Variants in PRH1 observed in about 807,000 individuals in gnomAD.
PRH1 encodes the protein proline rich protein HaeIII subfamily 1.
A neutral mutation model predicts 7.9 loss-of-function variants in PRH1; 7 were observed. The observed-to-expected ratio is 0.89, with a 90% CI of 0.50 to 1.67. The LOEUF (loss-of-function observed/expected upper bound fraction) is 1.67. Ranked by LOEUF, PRH1 falls within the 40% of genes most tolerant of loss-of-function variation. PRH1 has a pLI of 0.00. For missense variants in PRH1, 109 were observed against 223.6 expected (o/e 0.49, Z 3.27); for synonymous variants, 45 against 80.8 (o/e 0.56, Z 2.38).
intron 1 of PRH1, among the ~76,000 whole-genome samples, chr12:10,994,417 C>T (rs912169879): frequency 7.2e-5 from 11 of 152,206 alleles, no homozygotes; most frequent in African/African-American, 2.2e-4. Context: ...GTTGTCCTCT[C>T]GCAGCCCTTC....
At chr12:11,167,823 T>C (rs968241544) in intron 1 of PRH1, among the ~76,000 whole-genome samples, 2 of 152,230 alleles carry the variant, frequency 1.3e-5, no homozygotes, top group African/African-American at 4.8e-5. Flanking sequence ...AGAAGCAACA[T>C]TCTCTTTTGG....
intron 2 of PRH1, among the ~76,000 whole-genome samples, chr12:10,956,654 T>C (rs771723522): frequency 9.9e-5 from 15 of 152,148 alleles, no homozygotes; most frequent in Admixed American, 7.9e-4. Context: ...AATGTGACTT[T>C]ATACCTAGAA....
intron 1 of PRH1, among the ~76,000 whole-genome samples, chr12:11,037,822 C>G (rs1360120777): frequency 2.0e-5 from 3 of 152,154 alleles, no homozygotes; most frequent in Non-Finnish European, 4.4e-5. Flanking sequence ...GGTGGATTGC[C>G]TGAGCACAAG....
chr12:11,093,066 A>C lies in PRH1; in HGVS notation n.124-45878T>G, dbSNP rs146658776. ...CTAGTATGCAAATAGGGACATATTC[A>C]CTTTCAGTGTTTGCAATTTTTCCTT... On this transcript the variant is annotated intron_variant and non_coding_transcript_variant, in intron 1 of 4. Coordinates refer to the PRH1 transcript ENST00000541977. 4.3e-5 allele frequency among the ~76,000 whole-genome samples: 5 copies of C among 116,158 alleles called. 2 individuals are homozygous for C. Among genetic ancestry groups the C allele is most frequent in the Non-Finnish European group, 1.0e-4 (5 of 49,156 alleles). 76.2% of individuals were successfully genotyped at this position (116,158 alleles called of 152,430 possible).
At position 10,881,818 on chromosome 12, in the gene PRH1, G is replaced by T. The variant is rs530257730; in HGVS notation, c.*18+399C>A. 5.9e-5 allele frequency among the ~76,000 whole-genome samples: 9 copies of T among 152,256 alleles called. No individual in the cohort carries two copies. In the East Asian group the frequency reaches 1.7e-3, roughly 29 times the overall value. On this transcript the variant is annotated intron_variant, in intron 3 of 3. Coordinates refer to ENST00000543626, the MANE Select transcript of PRH1 (RefSeq NM_001393989.1). ...TACCATTTTACAACTGAAAGTTCAA[G>T]GACCACTTAGCAGGAATACTGGACC...
chr12:10,886,083 G>C (rs761157861), upstream of PRH1, among the ~76,000 whole-genome samples: 6 of 152,202 alleles, frequency 3.9e-5, no homozygotes, highest in Non-Finnish European at 7.3e-5. Context: ...GTGGGAAGTA[G>C]ATCAGCTCTA....
At chr12:10,909,030 A>G (rs1234679664) in intron 2 of PRH1, 5 of 1,613,590 alleles carry the variant, frequency 3.1e-6, no homozygotes, top group Admixed American at 3.3e-5. Flanking sequence ...ATTAGAAACT[A>G]TCCAGCTAAA....
intron 2 of PRH1, among the ~76,000 whole-genome samples, chr12:10,903,680 C>A (rs1408321285): frequency 3.3e-5 from 5 of 150,666 alleles, no homozygotes; most frequent in African/African-American, 1.2e-4. Flanking sequence ...CTAGCCAGGA[C>A]AATCAGGCAA....
chr12:10,881,825 T>G (rs1247019493), intron 3 of PRH1, among the ~76,000 whole-genome samples: 1 of 152,162 alleles, frequency 6.6e-6, no homozygotes, highest in Non-Finnish European at 1.5e-5. Context: ...CAAGGACCAC[T>G]TAGCAGGAAT....
intron 2 of PRH1, among the ~76,000 whole-genome samples, chr12:10,954,085 C>A (rs1937828531): frequency 6.6e-6 from 1 of 152,138 alleles, no homozygotes; most frequent in Admixed American, 6.5e-5. Context: ...TACCACCAGA[C>A]CCACCTCACA....
At position 11,092,467 on chromosome 12, in the gene PRH1, G is replaced by A. The variant is rs1944956288; in HGVS notation, n.124-45279C>T. Among the ~76,000 whole-genome samples, 2 of 114,730 alleles carry A rather than the reference G, an allele frequency of 1.7e-5. 1 individual carries two copies. The highest frequency in any genetic ancestry group is 1.8e-4 in the Admixed American group (2 of 11,426). 75.3% of individuals were successfully genotyped at this position (114,730 alleles called of 152,430 possible). On this transcript the variant is annotated intron_variant and non_coding_transcript_variant, in intron 1 of 4. Transcript: ENST00000541977. ...GCAACCCAGGTAGGTTGCCGCGGCT[G>A]GCTGAAGCCATGAGCTTTTATTCCC...
intron 1 of PRH1, among the ~76,000 whole-genome samples, chr12:11,142,573 A>G (rs184896813): frequency 2.0e-5 from 3 of 152,230 alleles, no homozygotes; most frequent in African/African-American, 7.2e-5. Flanking sequence ...AAAAAAAGGT[A>G]CTATTGCAAT....
chr12:10,954,265 T>C (rs915936207), intron 2 of PRH1, among the ~76,000 whole-genome samples: 3 of 152,130 alleles, frequency 2.0e-5, no homozygotes, highest in African/African-American at 7.2e-5. Context: ...ATATCAATAC[T>C]AACCTCGAAT....
intron 2 of PRH1, among the ~76,000 whole-genome samples, chr12:10,899,033 T>C (rs1180963092): frequency 6.6e-6 from 1 of 152,250 alleles, no homozygotes; most frequent in Non-Finnish European, 1.5e-5. Flanking sequence ...CTGCTGTGTT[T>C]TGTACTTGCG....
chr12:10,989,305 T>C (rs1214528196), intron 1 of PRH1, among the ~76,000 whole-genome samples: 1 of 152,236 alleles, frequency 6.6e-6, no homozygotes, highest in Non-Finnish European at 1.5e-5. Flanking sequence ...TTCACTTCTC[T>C]ATATTATTCC....
chr12:11,146,419 T>A lies in PRH1; in HGVS notation n.39+25003A>T, dbSNP rs537221218. On this transcript the variant is annotated intron_variant and non_coding_transcript_variant, in intron 1 of 1. Transcript: ENST00000541175. ...TGTCATCACAACAATGAGAATGTCA[T>A]CTAAGAACATGATTTTTTTATTAGG... Among the ~76,000 whole-genome samples the A allele has an allele frequency of 1.6e-4, 24 of 152,292 alleles. No individual in the cohort carries two copies. The East Asian group carries it at 4.2e-3, about 27-fold the overall frequency.
intron 2 of PRH1, among the ~76,000 whole-genome samples, chr12:10,941,933 C>T (rs758904542): frequency 7.9e-5 from 12 of 152,108 alleles, no homozygotes; most frequent in Admixed American, 2.0e-4. Flanking sequence ...GTAGTATTCT[C>T]CCTTTTTTCC....
chr12:11,113,533 C>A (rs1328580877), intron 1 of PRH1, among the ~76,000 whole-genome samples: 1 of 152,054 alleles, frequency 6.6e-6, no homozygotes, highest in Non-Finnish European at 1.5e-5. Context: ...TGAAACTGGA[C>A]CCCTTCCTTA....
At chr12:11,152,844 A>T (rs1947140961) in intron 1 of PRH1, among the ~76,000 whole-genome samples, 1 of 152,214 alleles carries the variant, frequency 6.6e-6, no homozygotes, top group South Asian at 2.1e-4. Flanking sequence ...TTTGATGATC[A>T]CCATGAGAAT....
Sources: gnomAD v4.1 joint callset for allele counts (sites outside exome capture counted in the v4.1 genomes callset) on GRCh38, gnomAD v4.1.1 for gene constraint, MANE v1.5 for transcripts, NCBI Gene and HGNC (gene_info 2026-07-23, HGNC 2026-07-21) for gene names.